ZNF225: variants seen among roughly 807,000 people sequenced by gnomAD.
ZNF225 encodes zinc finger protein 225.
In ZNF225, 6 loss-of-function variants were observed where a neutral mutation model predicts 12.0. The observed-to-expected ratio is 0.50, with a 90% CI of 0.27 to 0.98. The LOEUF is 0.98. Ranked by LOEUF, ZNF225 falls within the 50% of genes least tolerant of loss-of-function variation. The pLI is 0.11. For missense variants in ZNF225, 763 were observed against 848.2 expected, an observed-to-expected ratio of 0.90 and a Z score of 1.25; for synonymous variants, 271 against 283.2, an observed-to-expected ratio of 0.96 and a Z score of 0.43.
rs2147551479 is a variant in ZNF225 at position 44,115,761 on chromosome 19, C to A, written c.-67C>A. 6.6e-7 allele frequency: 1 copy of A among 1,519,388 alleles called. No individual in the cohort carries two copies. Among genetic ancestry groups the A allele is most frequent in the East Asian group, 2.3e-5 (1 of 42,662 alleles). 94.1% of individuals were successfully genotyped at this position (1,519,388 alleles called of 1,614,324 possible). ...TCTGCCTTCCCTGGTACTTTCCAGG[C>A]AGGATTCTGCTTTCCCTTGGACTGT... On this transcript the variant is annotated splice_region_variant and 5_prime_UTR_variant, in exon 2 of 5. Coordinates refer to ENST00000262894, the MANE Select transcript of ZNF225 (RefSeq NM_013362.4).
chr19:44,117,120 A>T (rs1156326636), intron 2 of ZNF225, among the ~76,000 whole-genome samples: 4 of 152,378 alleles, frequency 2.6e-5, no homozygotes, highest in Admixed American at 1.3e-4. Flanking sequence ...AATAAAAAAA[A>T]TTTTAAAAAG....
At chr19:44,121,046 G>A (rs1387403315) in intron 4 of ZNF225, among the ~76,000 whole-genome samples, 5 of 152,022 alleles carry the variant, frequency 3.3e-5, no homozygotes, top group Non-Finnish European at 5.9e-5. Flanking sequence ...ACAGGCGCCC[G>A]CCACGATGCC....
At chr19:44,123,469 C>A (rs1410892428) in intron 4 of ZNF225, among the ~76,000 whole-genome samples, 1 of 151,948 alleles carries the variant, frequency 6.6e-6, no homozygotes, top group Non-Finnish European at 1.5e-5. Context: ...TGATTATGTT[C>A]TTTCCTGGTT....
At chr19:44,117,187 T>C (rs1295296547) in intron 2 of ZNF225, among the ~76,000 whole-genome samples, 2 of 152,246 alleles carry the variant, frequency 1.3e-5, no homozygotes, top group African/African-American at 4.8e-5. Context: ...GCTGCATGTA[T>C]TTCCTTGTTT....
In ZNF225 at chr19:44,114,516, C is replaced by CT. The variant is rs534140625; in HGVS notation, c.-69+956dup. Reference sequence around the variant, plus strand: ...ACAGAAGTGGTAAATCTCTCTCTCTCTTTTTTTTTCTTGAGACGGAGTTTC... The same window carrying CT: ...ACAGAAGTGGTAAATCTCTCTCTCTCTTTTTTTTTTCTTGAGACGGAGTTTC... On this transcript the variant is annotated intron_variant, in intron 1 of 4. Transcript: ENST00000262894. Among the ~76,000 whole-genome samples the CT allele has an allele frequency of 3.5e-4, 53 of 151,484 alleles. No homozygotes were observed. The East Asian group carries it at 8.9e-3, about 25-fold the overall frequency.
Position 44,132,383 on chromosome 19 carries a change from A to T in ZNF225, c.1769A>T (p.His590Leu), listed in dbSNP as rs755127133. Residue 590 changes from histidine (H) to leucine (L), a missense_variant, in exon 5 of 5, where the codon CAT (histidine) becomes CTT (leucine). His to Leu is a moderately conservative substitution (Grantham distance 99). Transcript: ENST00000262894. Reference protein sequence around the residue: ...ASSILNHKRLHGDEKPFKCEE... With the variant: ...ASSILNHKRLLGDEKPFKCEE... Reference sequence around the variant, plus strand: ...AGTATTTTGAATCATAAGAGACTCCATGGTGATGAAAAGCCATTCAAATGT... The same window carrying T: ...AGTATTTTGAATCATAAGAGACTCCTTGGTGATGAAAAGCCATTCAAATGT... 1 of 1,614,232 alleles carries T rather than the reference A, an allele frequency of 6.2e-7. No homozygotes were observed. The highest frequency in any genetic ancestry group is 1.1e-5 in the South Asian group (1 of 91,084).
intron 4 of ZNF225, among the ~76,000 whole-genome samples, chr19:44,127,889 A>T (rs1968179358): frequency 2.0e-5 from 3 of 151,966 alleles, no homozygotes; most frequent in Non-Finnish European, 4.4e-5. Context: ...TGATCTGCCC[A>T]CCTCGGCCTC....
intron 2 of ZNF225, among the ~76,000 whole-genome samples, chr19:44,117,788 G>A (rs112029417): frequency 0.044 from 6,774 of 152,254 alleles, 530 homozygotes; most frequent in African/African-American, 0.15. Flanking sequence ...GGAGGCCGAG[G>A]CAGGCGGATC....
intron 2 of ZNF225, 82 bp downstream of exon 2, chr19:44,115,924 T>C: frequency 6.8e-7 from 1 of 1,462,584 alleles, no homozygotes; most frequent in Non-Finnish European, 9.3e-7. Context: ...TGCAGTGGCC[T>C]GATTTTGGCT....
chr19:44,130,093 C>G (rs2147573778), intron 4 of ZNF225: 1 of 152,334 alleles, frequency 6.6e-6, no homozygotes, highest in African/African-American at 2.4e-5. Context: ...AACCAGAGTC[C>G]ATAGTGTACC....
At chr19:44,127,788 G>A (rs958969758) in intron 4 of ZNF225, among the ~76,000 whole-genome samples, 1 of 151,842 alleles carries the variant, frequency 6.6e-6, no homozygotes, top group African/African-American at 2.4e-5. Flanking sequence ...GCTGGTATAT[G>A]CCACCATGCC....
In ZNF225 at chr19:44,132,688, C is replaced by T. The variant is rs776187276; in HGVS notation, c.2074C>T (p.Arg692Cys). The change falls in exon 5 of 5, where the codon CGC becomes TGC. Residue 692 changes from arginine to cysteine, a missense_variant. Coordinates refer to ENST00000262894, the MANE Select transcript of ZNF225 (RefSeq NM_013362.4). ...CEDCGKRYKRRLNLDTLLSLF... is the reference protein window; with the variant it reads ...CEDCGKRYKRCLNLDTLLSLF... ...GGACTGTGGGAAGCGCTACAAGAGG[C>T]GCTTGAATCTTGATACGCTTTTGTC... 1.3e-5 allele frequency: 21 copies of T among 1,608,254 alleles called. No individual in the cohort carries two copies. The highest frequency in any genetic ancestry group is 8.1e-5 in the African/African-American group (6 of 74,486).
chr19:44,123,492 T>C (rs953328359), intron 4 of ZNF225, among the ~76,000 whole-genome samples: 2 of 152,160 alleles, frequency 1.3e-5, no homozygotes, highest in African/African-American at 4.8e-5. Context: ...GGTATTAGGG[T>C]GATGCTGGTT....
rs780878493 is a variant in ZNF225, at chr19:44,118,171, T to C, written c.16-17T>C. The C allele has an allele frequency of 1.2e-6, 2 of 1,605,658 alleles. No homozygotes were observed. The highest frequency in any genetic ancestry group is 4.5e-5 in the East Asian group (2 of 44,792). On this transcript the variant is annotated splice_polypyrimidine_tract_variant and intron_variant, in intron 2 of 4. Coordinates refer to ENST00000262894, the MANE Select transcript of ZNF225 (RefSeq NM_013362.4). ...CATTGGTCATGAGACTGAGGTTGCA[T>C]ATGTTCGATGCTGTAGGAGGCAGTG... is the stretch of plus-strand genomic sequence containing the variant.
intron 4 of ZNF225, among the ~76,000 whole-genome samples, chr19:44,119,060 C>T (rs979953589): frequency 6.6e-6 from 1 of 152,208 alleles, no homozygotes; most frequent in Non-Finnish European, 1.5e-5. Flanking sequence ...TCGTGATCCG[C>T]CCGCCTTGGC....
chr19:44,122,972 A>G (rs1968083243), intron 4 of ZNF225, among the ~76,000 whole-genome samples: 1 of 152,096 alleles, frequency 6.6e-6, no homozygotes, highest in South Asian at 2.1e-4. Flanking sequence ...CTCTTTACCG[A>G]TTTGGGTGCC....
rs868601142 is a variant in ZNF225 at position 44,118,403 on chromosome 19, C to G, written c.143-79C>G. ...TTCAAGTTTGAGTATGCATTGGGAA[C>G]CTAAGTTTCCAGTAAATTTTACTTA... On this transcript the variant is annotated intron_variant, in intron 3 of 4. Transcript: ENST00000262894. The G allele has an allele frequency of 5.5e-5, 88 of 1,610,876 alleles. 1 individual carries two copies. The Middle Eastern group carries it at 3.1e-3, about 58-fold the overall frequency.
chr19:44,115,699 T>G (rs1224055397), intron 1 of ZNF225, 61 bp from the exon 2 acceptor site: 1 of 807,308 alleles, frequency 1.2e-6, no homozygotes, highest in African/African-American at 1.7e-5. Flanking sequence ...TTCGTGTTGG[T>G]GGATGGCATC....
intron 1 of ZNF225, among the ~76,000 whole-genome samples, 172 bp downstream of exon 1, chr19:44,113,741 G>T (rs1568536000): frequency 6.6e-6 from 1 of 152,046 alleles, no homozygotes; most frequent in Non-Finnish European, 1.5e-5. Context: ...CCCCACGCGC[G>T]TGGCCACTTC....
Sources: gnomAD v4.1 joint callset for allele counts (sites outside exome capture counted in the v4.1 genomes callset) on GRCh38, gnomAD v4.1.1 for gene constraint, MANE v1.5 for transcripts, NCBI Gene and HGNC (gene_info 2026-07-23, HGNC 2026-07-21) for gene names.